Variants in LEMD1 observed in about 807,000 individuals in gnomAD.
LEMD1 encodes LEM domain-containing protein 1.
LEMD1 carries 18 observed loss-of-function variants against 17.4 expected under a neutral mutation model. The observed-to-expected ratio is 1.04, with a 90% CI of 0.72 to 1.54. The LOEUF is 1.54. LEMD1 is among the 40% of genes most tolerant of loss of function. The pLI, the probability that LEMD1 is intolerant of heterozygous loss-of-function variation, is 0.00. For missense variants in LEMD1, 195 were observed against 210.4 expected, an observed-to-expected ratio of 0.93 and a Z score of 0.45; for synonymous variants, 88 against 77.8, an observed-to-expected ratio of 1.13 and a Z score of -0.69.
intron 1 of LEMD1, among the ~76,000 whole-genome samples, chr1:205,430,823 T>C (rs960838117): frequency 2.0e-5 from 3 of 152,222 alleles, no homozygotes; most frequent in Non-Finnish European, 1.5e-5. Flanking sequence ...CCCGCGCCGC[T>C]CAGTTTTAAA....
At chr1:205,388,683 T>C (rs1664167520) in intron 4 of LEMD1, among the ~76,000 whole-genome samples, 1 of 152,224 alleles carries the variant, frequency 6.6e-6, no homozygotes, top group Admixed American at 6.5e-5. Context: ...ATAGAAGAAC[T>C]CATCATTGAA....
chr1:205,405,211 G>T (rs1665035393), intron 4 of LEMD1, among the ~76,000 whole-genome samples: 1 of 151,582 alleles, frequency 6.6e-6, no homozygotes, highest in Non-Finnish European at 1.5e-5. Context: ...GAGTATCTTT[G>T]TGGCGTTCTC....
intron 3 of LEMD1, among the ~76,000 whole-genome samples, chr1:205,417,120 T>C (rs1461968234): frequency 6.6e-6 from 1 of 152,230 alleles, no homozygotes; most frequent in East Asian, 1.9e-4. Context: ...ACTTTTCCAA[T>C]GAGCAAATTC....
chr1:205,384,158 C>T (rs1311268483), intron 5 of LEMD1, 130 bp downstream of exon 5: 3 of 514,054 alleles, frequency 5.8e-6, no homozygotes, highest in Admixed American at 4.3e-5. Context: ...TTGGATATTA[C>T]AAATCTTTCT....
intron 1 of LEMD1, among the ~76,000 whole-genome samples, chr1:205,447,889 C>A (rs562141042): frequency 6.6e-6 from 1 of 152,340 alleles, no homozygotes; most frequent in African/African-American, 2.4e-5. Context: ...AGATTCCAAG[C>A]TGACCTCAGA....
rs1027485122 is a variant in LEMD1 at position 205,441,902 on chromosome 1, G to A, written c.-39+7966C>T. On this transcript the variant is annotated intron_variant, in intron 1 of 3. Coordinates refer to the LEMD1 transcript ENST00000367154. This position sits in a 1 kb window ranked among gnomAD's most constrained non-coding sequence, Gnocchi z 4.3. ...TGACCCGGCCCTCAGCAGGAGCCAG[G>A]GGCCGCTCTGGTATCTGTTGCAGTC... 4.6e-5 allele frequency among the ~76,000 whole-genome samples: 7 copies of A among 152,192 alleles called. No homozygotes were observed. The highest frequency in any genetic ancestry group is 1.4e-4 in the African/African-American group (6 of 41,458).
intron 2 of LEMD1, among the ~76,000 whole-genome samples, chr1:205,420,089 A>G (rs1000584786): frequency 2.0e-5 from 3 of 152,164 alleles, no homozygotes; most frequent in African/African-American, 4.8e-5. Flanking sequence ...AGGCCAAGGC[A>G]GGTGGAGTAC....
chr1:205,399,425 G>A (rs571767608), intron 4 of LEMD1, among the ~76,000 whole-genome samples: 2 of 152,096 alleles, frequency 1.3e-5, no homozygotes, highest in Admixed American at 6.5e-5. Flanking sequence ...GTGTGTATAC[G>A]TATACAGATA....
intron 3 of LEMD1, among the ~76,000 whole-genome samples, 169 bp downstream of exon 3, chr1:205,419,061 C>T (rs145069291): frequency 4.1e-4 from 62 of 152,360 alleles, no homozygotes; most frequent in East Asian, 4.0e-3. Context: ...GTGAAGTTAA[C>T]AGATTCTTTT....
intron 3 of LEMD1, among the ~76,000 whole-genome samples, chr1:205,417,140 G>A (rs138823985): frequency 0.011 from 1,706 of 152,290 alleles, 21 homozygotes; most frequent in Non-Finnish European, 0.017. Flanking sequence ...CAAATGTATG[G>A]TTCAAACCTA....
chr1:205,447,764 T>A (rs1022061375), intron 1 of LEMD1, among the ~76,000 whole-genome samples: 49 of 144,724 alleles, frequency 3.4e-4, no homozygotes, highest in Non-Finnish European at 6.5e-4. Context: ...GGGGAGCGCC[T>A]GCCTTCCTAG....
rs1468222446 is a variant in LEMD1 at position 205,417,968 on chromosome 1, C to T, written c.205+1262G>A. 6.6e-5 allele frequency among the ~76,000 whole-genome samples: 10 copies of T among 152,144 alleles called. No individual in the cohort carries two copies. The East Asian group carries it at 1.9e-3, about 29-fold the overall frequency. Reference sequence around the variant, plus strand: ...TCTCAGTTCTCTCACTTTCTTTCATCCAACAAACATACACCAAGTTCTGCT... The same window carrying T: ...TCTCAGTTCTCTCACTTTCTTTCATTCAACAAACATACACCAAGTTCTGCT... On this transcript the variant is annotated intron_variant, in intron 3 of 5. Coordinates refer to ENST00000367153, the MANE Select transcript of LEMD1 (RefSeq NM_001199050.2).
intron 4 of LEMD1, among the ~76,000 whole-genome samples, chr1:205,393,059 C>A (rs1664413839): frequency 6.6e-6 from 1 of 151,828 alleles, no homozygotes; most frequent in Non-Finnish European, 1.5e-5. Context: ...CCCTGGGCAA[C>A]ATAGTTAAAA....
intron 5 of LEMD1, among the ~76,000 whole-genome samples, chr1:205,383,390 C>G (rs914034886): frequency 6.6e-6 from 1 of 152,082 alleles, no homozygotes; most frequent in Non-Finnish European, 1.5e-5. Flanking sequence ...CCACTGTGCC[C>G]AGCCAACATG....
chr1:205,410,116 C>A (rs995644023), intron 4 of LEMD1, among the ~76,000 whole-genome samples: 1 of 151,198 alleles, frequency 6.6e-6, no homozygotes, highest in Admixed American at 6.6e-5. Flanking sequence ...GAGATGGGTT[C>A]TTGTCATGTT....
intron 5 of LEMD1, among the ~76,000 whole-genome samples, chr1:205,384,066 GC>G (rs1383398356): frequency 6.7e-6 from 1 of 148,488 alleles, no homozygotes; most frequent in Non-Finnish European, 1.5e-5. Context: ...TGCGACTTTT[GC>G]CCTGTCTTCC....
rs1002142349 is a variant in LEMD1, at chr1:205,441,526, G to A, written c.-39+8342C>T. Among the ~76,000 whole-genome samples the A allele has an allele frequency of 3.9e-5, 6 of 152,096 alleles. No individual in the cohort carries two copies. Among genetic ancestry groups the A allele is most frequent in the African/African-American group, 1.2e-4 (5 of 41,416 alleles). On this transcript the variant is annotated intron_variant, in intron 1 of 3. Transcript: ENST00000367154. The surrounding 1 kb of genome is among the most constrained non-coding windows in gnomAD (Gnocchi z 4.3). ...GACAGGCCCTCCTCCATCCAAATGC[G>A]GACCCCTTCATCCAGTGTAGCTTTA... is the stretch of plus-strand genomic sequence containing the variant.
intron 4 of LEMD1, among the ~76,000 whole-genome samples, chr1:205,384,670 G>A (rs1235687121): frequency 6.6e-6 from 1 of 152,102 alleles, no homozygotes; most frequent in African/African-American, 2.4e-5. Flanking sequence ...TTCTTTATTT[G>A]TACTTTATTG....
chr1:205,431,339 T>G (rs1666123130), intron 1 of LEMD1, among the ~76,000 whole-genome samples: 1 of 152,204 alleles, frequency 6.6e-6, no homozygotes, highest in South Asian at 2.1e-4. Context: ...ATTCCTAATT[T>G]TTTCAACGAA....
Sources: gnomAD v4.1 joint callset for allele counts (sites outside exome capture counted in the v4.1 genomes callset) on GRCh38, gnomAD v4.1.1 for gene constraint, Gnocchi (gnomAD v3.1) non-coding constraint, MANE v1.5 for transcripts, NCBI Gene and HGNC (gene_info 2026-07-23, HGNC 2026-07-21) for gene names.